The following RALYL variants were observed in gnomAD, a reference collection of about 807,000 sequenced individuals.
RALYL encodes RNA-binding Raly-like protein.
Under a neutral mutation model 35.1 loss-of-function variants are expected in RALYL, and 29 were observed. That is an observed-to-expected ratio of 0.83 (90% CI 0.61 to 1.13). The LOEUF (loss-of-function observed/expected upper bound fraction) is 1.13, where lower values mean the gene tolerates loss of function less well. RALYL is among the 50% of genes most tolerant of loss of function. RALYL has a pLI of 0.00. For synonymous variants in RALYL, 120 were observed against 127.6 expected (o/e 0.94, Z 0.40); for missense variants, 359 against 360.4 (o/e 1.00, Z 0.03).
At chr8:84,682,111 T>C (rs1835669900) in intron 2 of RALYL, among the ~76,000 whole-genome samples, 1 of 152,200 alleles carries the variant, frequency 6.6e-6, no homozygotes, top group African/African-American at 2.4e-5. Flanking sequence ...GTGGCTTTTG[T>C]CTTTGGTTCT....
chr8:84,379,530 C>A (rs189357125), intron 1 of RALYL, among the ~76,000 whole-genome samples: 1 of 151,672 alleles, frequency 6.6e-6, no homozygotes, highest in Non-Finnish European at 1.5e-5. Flanking sequence ...ATAAACCTAG[C>A]GAAACTTTTT....
At chr8:84,317,713 G>C (rs916924690) in intron 1 of RALYL, among the ~76,000 whole-genome samples, 2 of 152,132 alleles carry the variant, frequency 1.3e-5, no homozygotes, top group African/African-American at 2.4e-5. Context: ...TGTATATTCT[G>C]TAAGCAACTA....
At chr8:84,232,828 C>T (rs1825663394) in intron 1 of RALYL, among the ~76,000 whole-genome samples, 1 of 151,772 alleles carries the variant, frequency 6.6e-6, no homozygotes, top group Non-Finnish European at 1.5e-5. Context: ...CATATTATAA[C>T]TGTGTGGAAT....
intron 8 of RALYL, among the ~76,000 whole-genome samples, chr8:84,907,208 A>G (rs1275932345): frequency 1.3e-5 from 2 of 152,068 alleles, no homozygotes; most frequent in Admixed American, 1.3e-4. Flanking sequence ...AGCTGTGTGA[A>G]TTGAACAAGT....
intron 2 of RALYL, among the ~76,000 whole-genome samples, chr8:84,731,628 G>A (rs995267583): frequency 3.9e-5 from 6 of 152,026 alleles, no homozygotes; most frequent in Admixed American, 3.3e-4. Context: ...TACTGCAGTT[G>A]CCTTCTAAAT....
chr8:84,912,063 G>A (rs995733558), intron 8 of RALYL, among the ~76,000 whole-genome samples: 1 of 152,056 alleles, frequency 6.6e-6, no homozygotes, highest in Non-Finnish European at 1.5e-5. Flanking sequence ...CTTGAGGTCA[G>A]TGGGTGGGGC....
chr8:84,253,403 T>C (rs1830616992), intron 1 of RALYL, among the ~76,000 whole-genome samples: 2 of 150,840 alleles, frequency 1.3e-5, no homozygotes, highest in Admixed American at 6.6e-5. Context: ...GTTTTCACCA[T>C]GTTGGCCAGG....
chr8:84,880,300 A>G (rs1459366820), intron 7 of RALYL, among the ~76,000 whole-genome samples: 1 of 152,140 alleles, frequency 6.6e-6, no homozygotes, highest in East Asian at 1.9e-4. Context: ...AGGATGCTCC[A>G]GGGCCTATGG....
Position 84,538,557 on chromosome 8 carries a change from C to T in RALYL, c.256+8980C>T, listed in dbSNP as rs189419067. The stretch of plus-strand genomic sequence containing the variant: ...GTTAAATTCTAAAAGAGAATAAAAA[C>T]ATAGTGCCTCCACCAAAATGAAATA... On this transcript the variant is annotated intron_variant, in intron 2 of 8. Transcript: ENST00000521268. Among the ~76,000 whole-genome samples, 456 of 152,116 alleles carry T rather than the reference C, an allele frequency of 3.0e-3. 2 individuals are homozygous for T. Among genetic ancestry groups the T allele is most frequent in the Non-Finnish European group, 3.0e-3 (205 of 67,964 alleles).
At chr8:84,306,880 A>G (rs1385518625) in intron 1 of RALYL, among the ~76,000 whole-genome samples, 1 of 152,196 alleles carries the variant, frequency 6.6e-6, no homozygotes, top group Non-Finnish European at 1.5e-5. Flanking sequence ...AAAATGGCAC[A>G]AGCATTCTAA....
At chr8:84,529,202 G>A in intron 1 of RALYL, 97 bp from the exon 2 acceptor site, 1 of 1,272,896 alleles carries the variant, frequency 7.9e-7, no homozygotes, top group Non-Finnish European at 1.1e-6. Flanking sequence ...TTTCCTGAGT[G>A]TAATATTGAA....
intron 1 of RALYL, among the ~76,000 whole-genome samples, chr8:84,369,840 T>G (rs1367611441): frequency 6.6e-6 from 1 of 152,164 alleles, no homozygotes; most frequent in Non-Finnish European, 1.5e-5. Flanking sequence ...CGAATTTTTT[T>G]CTTCCCAAAG....
intron 1 of RALYL, among the ~76,000 whole-genome samples, chr8:84,192,079 C>G (rs535849511): frequency 6.6e-6 from 1 of 152,320 alleles, no homozygotes; most frequent in African/African-American, 2.4e-5. Flanking sequence ...CACCAATAGA[C>G]AACCTGACAC....
At chr8:84,612,894 C>A (rs1322612432) in intron 2 of RALYL, among the ~76,000 whole-genome samples, 1 of 151,678 alleles carries the variant, frequency 6.6e-6, no homozygotes, top group Non-Finnish European at 1.5e-5. Flanking sequence ...AAAATCACCA[C>A]TGCATGTAAA....
At chr8:84,443,059 T>C (rs755600331) in intron 1 of RALYL, among the ~76,000 whole-genome samples, 1 of 152,158 alleles carries the variant, frequency 6.6e-6, no homozygotes, top group Non-Finnish European at 1.5e-5. Context: ...GTGGCCACAT[T>C]GTAAGGACTT....
chr8:84,891,724 G>GTC (rs1397802382), intron 8 of RALYL, among the ~76,000 whole-genome samples: 1 of 152,166 alleles, frequency 6.6e-6, no homozygotes, highest in Non-Finnish European at 1.5e-5. Flanking sequence ...AAACTAAGGA[G>GTC]TCTCTCCTAG....
chr8:84,549,629 T>C (rs928550847), intron 2 of RALYL, among the ~76,000 whole-genome samples: 2 of 152,182 alleles, frequency 1.3e-5, no homozygotes, highest in African/African-American at 2.4e-5. Flanking sequence ...AGTAAACTAC[T>C]GAATGGAAAC....
chr8:84,800,741 G>T (rs1181168038), intron 3 of RALYL, among the ~76,000 whole-genome samples: 1 of 152,172 alleles, frequency 6.6e-6, no homozygotes, highest in African/African-American at 2.4e-5. Flanking sequence ...CGTTTCTACA[G>T]ATTAAATTGA....
chr8:84,912,340 GGAACCAGA>G (rs1270571016), intron 8 of RALYL, among the ~76,000 whole-genome samples: 4 of 151,928 alleles, frequency 2.6e-5, no homozygotes, highest in African/African-American at 9.7e-5. Context: ...CTCTGTGCTA[GGAACCAGA>G]GACTAAGACC....
Sources: allele counts gnomAD v4.1 joint callset (sites outside exome capture counted in the v4.1 genomes callset), GRCh38; gene constraint gnomAD v4.1.1; transcripts MANE v1.5; gene names NCBI Gene and HGNC (gene_info 2026-07-23, HGNC 2026-07-21).